Variants in GATB observed in about 807,000 individuals in gnomAD.
GATB encodes glutamyl-tRNA(Gln) amidotransferase subunit B, mitochondrial.
GATB carries 39 observed loss-of-function variants against 62.3 expected under a neutral mutation model. The observed-to-expected ratio is 0.63, with a 90% CI of 0.48 to 0.82. The LOEUF is 0.82. Ranked by LOEUF, GATB falls within the 40% of genes least tolerant of loss-of-function variation. The pLI, the probability that GATB is intolerant of heterozygous loss-of-function variation, is 0.00. For synonymous variants in GATB, 276 were observed against 258.9 expected (o/e 1.07, Z -0.63); for missense variants, 670 against 684.0 (o/e 0.98, Z 0.23).
In GATB at chr4:151,716,025, GCTGGTCCC is replaced by G. The variant is rs1378862238; in HGVS notation, c.739_746del (p.Gly247ProfsTer46). ...GGCTTCTACCTGCCATGTTCGCCTGGCTGGTCCCCAGGGCTTGAAGGATCAGCTGCAGC... is the reference window on the plus strand; with the variant it reads ...GGCTTCTACCTGCCATGTTCGCCTGGCAGGGCTTGAAGGATCAGCTGCAGC... On this transcript the variant is annotated frameshift_variant, in exon 5 of 13. Coordinates refer to ENST00000263985, the MANE Select transcript of GATB (RefSeq NM_004564.3). LOFTEE classifies it high-confidence loss of function. The G allele has an allele frequency of 3.4e-5, 55 of 1,613,512 alleles. No individual in the cohort carries two copies. Among genetic ancestry groups the G allele is most frequent in the Non-Finnish European group, 4.1e-5 (48 of 1,179,834 alleles).
At chr4:151,672,976 TG>T in intron 11 of GATB, 80 bp from the exon 12 acceptor site, 1 of 1,541,680 alleles carries the variant, frequency 6.5e-7, no homozygotes. Flanking sequence ...CTGTGCTGTG[TG>T]GAGCTGGGGT....
intron 2 of GATB, among the ~76,000 whole-genome samples, chr4:151,748,712 G>A (rs1311336766): frequency 3.3e-5 from 5 of 152,208 alleles, no homozygotes; most frequent in East Asian, 3.9e-4. Flanking sequence ...AACTACCATC[G>A]GAGTGAACAG....
intron 6 of GATB, among the ~76,000 whole-genome samples, chr4:151,705,732 C>T (rs142295780): frequency 6.6e-6 from 1 of 152,184 alleles, no homozygotes; most frequent in South Asian, 2.1e-4. Context: ...TTCAGAGGGA[C>T]CCACGACCCC....
chr4:151,698,108 T>A (rs1173547929), intron 9 of GATB, among the ~76,000 whole-genome samples: 2 of 151,322 alleles, frequency 1.3e-5, no homozygotes, highest in Non-Finnish European at 2.9e-5. Context: ...ATGGTTTATG[T>A]ATCTGACCTT....
intron 2 of GATB, among the ~76,000 whole-genome samples, chr4:151,731,914 T>TGG (rs1203195610): frequency 7.2e-6 from 1 of 139,648 alleles, no homozygotes; most frequent in South Asian, 2.5e-4. Flanking sequence ...GGGAGGGAGG[T>TGG]GGGGGTCAGC....
chr4:151,760,332 A>G (rs1215813635), intron 1 of GATB, among the ~76,000 whole-genome samples: 5 of 152,168 alleles, frequency 3.3e-5, no homozygotes, highest in Non-Finnish European at 7.3e-5. Flanking sequence ...ATTCCAACAT[A>G]AAACGCCTGC....
Position 151,672,752 on chromosome 4 carries a change from A to G in GATB, c.1545+10T>C, listed in dbSNP as rs750679732. 6.2e-7 allele frequency: 1 copy of G among 1,613,314 alleles called. No individual in the cohort carries two copies. The highest frequency in any genetic ancestry group is 1.1e-5 in the South Asian group (1 of 90,908). ...TGGCTCTGGCCCTCTCCCCTGCCCG[A>G]GATAGTCACCACTTGAGGATGGGCC... On this transcript the variant is annotated intron_variant, in intron 12 of 12. Coordinates refer to ENST00000263985, the MANE Select transcript of GATB (RefSeq NM_004564.3).
At chr4:151,734,140 G>A (rs1020785159) in intron 2 of GATB, among the ~76,000 whole-genome samples, 1 of 152,168 alleles carries the variant, frequency 6.6e-6, no homozygotes, top group Non-Finnish European at 1.5e-5. Flanking sequence ...AATTGGTGAA[G>A]AGGAAGTCAA....
At chr4:151,710,458 T>TTGTTTGTTTGTTTGTTTGTA in intron 5 of GATB, among the ~76,000 whole-genome samples, 1 of 152,356 alleles carries the variant, frequency 6.6e-6, no homozygotes, top group East Asian at 1.9e-4. Flanking sequence ...CAAGTTTTGT[T>TTGTTTGTTTGTTTGTTTGTA]TGTTTGTTGC....
At chr4:151,681,095 A>C (rs751012) in intron 10 of GATB, among the ~76,000 whole-genome samples, 90,996 of 152,154 alleles carry the variant, frequency 0.6, 29,802 homozygotes, top group African/African-American at 0.89. Flanking sequence ...CCATCATGCA[A>C]AATTAATTTC....
In GATB at chr4:151,719,522, C is replaced by T. The variant is rs766480117; in HGVS notation, c.344G>A (p.Cys115Tyr). 1 of 1,608,412 alleles carries T rather than the reference C, an allele frequency of 6.2e-7. No homozygotes were observed. Among genetic ancestry groups the T allele is most frequent in the Non-Finnish European group, 8.5e-7 (1 of 1,177,372 alleles). ...PGTLPVLNRR[C>Y]VEAAVMTGLA... ...GCCTGTCATCACCGCCGCTTCTACA[C>T]ACCTCCTGTTGAGAACCTATGGGAA... Residue 115 changes from cysteine to tyrosine, a missense_variant, in exon 3 of 13, where the codon TGT (cysteine) becomes TAT (tyrosine). Transcript: ENST00000263985.
Position 151,730,923 on chromosome 4 carries a change from A to C in GATB, c.328-11385T>G, listed in dbSNP as rs931444995. Among the ~76,000 whole-genome samples, 1 of 152,244 alleles carries C rather than the reference A, an allele frequency of 6.6e-6. No homozygotes were observed. The highest frequency in any genetic ancestry group is 2.4e-5 in the African/African-American group (1 of 41,470). On this transcript the variant is annotated intron_variant, in intron 2 of 12. Transcript: ENST00000263985. The surrounding 1 kb of genome is among the most constrained non-coding windows in gnomAD (Gnocchi z 4.1). ...TACCAGCAATGAATCCAAATCAAGA[A>C]GAAATCCCTGATTTACCTGAAAAAG...
chr4:151,711,911 T>C (rs1327004865), intron 5 of GATB, among the ~76,000 whole-genome samples: 1 of 152,168 alleles, frequency 6.6e-6, no homozygotes, highest in Admixed American at 6.5e-5. Context: ...TACAGTTCCG[T>C]CTGAATAGGA....
chr4:151,672,962 A>AGTGCT, intron 11 of GATB, 66 bp from the exon 12 acceptor site: 1 of 1,580,538 alleles, frequency 6.3e-7, no homozygotes, highest in Non-Finnish European at 8.6e-7. Flanking sequence ...CTCCATTTGC[A>AGTGCT]GTGCTGTGCT....
intron 2 of GATB, among the ~76,000 whole-genome samples, chr4:151,737,381 C>T (rs906104617): frequency 6.6e-6 from 1 of 152,136 alleles, no homozygotes; most frequent in Non-Finnish European, 1.5e-5. Context: ...GGGTATCTGA[C>T]AGAAGAAATT....
chr4:151,718,512 C>T (rs756656290), intron 3 of GATB, among the ~76,000 whole-genome samples: 2 of 152,122 alleles, frequency 1.3e-5, no homozygotes, highest in South Asian at 2.1e-4. Flanking sequence ...TAAAGAAAGG[C>T]GGTTTAATTC....
rs761557256 is a variant in GATB at position 151,708,039 on chromosome 4, G to C, written c.826C>G (p.Arg276Gly). ...CTGTTGAGATTCTTCACTTCCGTTC[G>C]AACGCCCAAAGGCTCCCCAGGGTGA... ...VHHPGEPLGV[R>G]TEVKNLNSIR... The change falls in exon 6 of 13, where the codon CGA becomes GGA. Residue 276 changes from arginine to glycine, a missense_variant. Coordinates refer to ENST00000263985, the MANE Select transcript of GATB (RefSeq NM_004564.3). 2.8e-5 allele frequency: 45 copies of C among 1,614,010 alleles called. No homozygotes were observed. Among genetic ancestry groups the C allele is most frequent in the Non-Finnish European group, 3.5e-5 (41 of 1,179,992 alleles).
chr4:151,724,538 C>T (rs1001458371), intron 2 of GATB: 2 of 152,202 alleles, frequency 1.3e-5, no homozygotes, highest in African/African-American at 4.8e-5. Flanking sequence ...TGGTCTACCC[C>T]GACCACCTCT....
At chr4:151,720,871 G>A (rs1739018361) in intron 2 of GATB, 1 of 152,136 alleles carries the variant, frequency 6.6e-6, no homozygotes, top group African/African-American at 2.4e-5. Context: ...ACCAAACACA[G>A]ATTTTAAAAA....
Sources: allele counts gnomAD v4.1 joint callset (sites outside exome capture counted in the v4.1 genomes callset), GRCh38; gene constraint gnomAD v4.1.1; non-coding constraint Gnocchi (gnomAD v3.1); transcripts MANE v1.5; gene names NCBI Gene and HGNC (gene_info 2026-07-23, HGNC 2026-07-21).